The following POU2F1 variants were observed in gnomAD, a reference collection of about 807,000 sequenced individuals.
The protein encoded by POU2F1 is POU domain, class 2, transcription factor 1.
Under a neutral mutation model 84.9 loss-of-function variants are expected in POU2F1, and 16 were observed. The observed-to-expected ratio is 0.19, with a 90% confidence interval of 0.13 to 0.29. The LOEUF is 0.29. Ranked by LOEUF, POU2F1 falls within the 10% of genes least tolerant of loss-of-function variation. POU2F1 has a pLI of 1.00. For synonymous variants in POU2F1, 368 were observed against 368.3 expected, an observed-to-expected ratio of 1.00 and a Z score of 0.01; for missense variants, 738 against 942.6, an observed-to-expected ratio of 0.78 and a Z score of 2.84.
At chr1:167,353,480 G>T (rs1658721279) in intron 2 of POU2F1, among the ~76,000 whole-genome samples, 1 of 151,516 alleles carries the variant, frequency 6.6e-6, no homozygotes, top group Admixed American at 6.6e-5. Flanking sequence ...TACCTTTTCA[G>T]CATATCCCTT....
chr1:167,221,508 C>T (rs1301308807), intron 1 of POU2F1, among the ~76,000 whole-genome samples: 4 of 148,936 alleles, frequency 2.7e-5, no homozygotes, highest in South Asian at 2.1e-4. Context: ...CCGGAGCGGA[C>T]CCCGGCGGCC....
rs1038540188 is a variant in POU2F1 at position 167,423,501 on chromosome 1, G to A, written c.*7691G>A. ...GAAGATTAGAGCACTTGAAACAGAA[G>A]TTCTGGGAAAACAAGGTGTGTGTAA... is the stretch of plus-strand genomic sequence containing the variant. On this transcript the variant is annotated 3_prime_UTR_variant, in exon 16 of 16. Transcript: ENST00000367866. The A allele has an allele frequency of 6.6e-6, 1 of 152,234 alleles. No homozygotes were observed. The highest frequency in any genetic ancestry group is 2.4e-5 in the African/African-American group (1 of 41,450). 9.4% of individuals were successfully genotyped at this position (152,234 alleles called of 1,614,324 possible).
chr1:167,332,599 T>A, intron 2 of POU2F1, 64 bp downstream of exon 2: 1 of 1,346,718 alleles, frequency 7.4e-7, no homozygotes, highest in South Asian at 1.2e-5. Context: ...AAAGTTTCCA[T>A]GTAACTAGGA....
At chr1:167,411,405 G>GT (rs535290005) in intron 13 of POU2F1, among the ~76,000 whole-genome samples, 12,758 of 144,590 alleles carry the variant, frequency 0.088, 1,676 homozygotes, top group African/African-American at 0.29. Flanking sequence ...ATTGTATGTT[G>GT]TTTTTTTTTT....
chr1:167,392,224 G>A (rs994351211), intron 9 of POU2F1, among the ~76,000 whole-genome samples: 8 of 151,834 alleles, frequency 5.3e-5, no homozygotes, highest in African/African-American at 1.5e-4. Context: ...GCTGGCGGGC[G>A]CCTGTAATCC....
chr1:167,265,491 C>G (rs1431869688), intron 1 of POU2F1, among the ~76,000 whole-genome samples: 1 of 152,048 alleles, frequency 6.6e-6, no homozygotes, highest in African/African-American at 2.4e-5. Flanking sequence ...TAGATGGCTG[C>G]CAAATTCACT....
intron 4 of POU2F1, among the ~76,000 whole-genome samples, chr1:167,370,642 T>G (rs1198341485): frequency 6.6e-6 from 1 of 152,180 alleles, no homozygotes; most frequent in African/African-American, 2.4e-5. Flanking sequence ...AGGTTTGCAT[T>G]CTCATTCTGC....
Position 167,314,885 on chromosome 1 carries a change from TG to T in POU2F1, c.62-17583del, listed in dbSNP as rs538421358. 6.5e-4 allele frequency among the ~76,000 whole-genome samples: 99 copies of T among 152,242 alleles called. 2 individuals carry two copies. The South Asian group carries it at 0.013, about 20-fold the overall frequency. ...CCCCAGTGTCGGAGGTGGGGCCTGG[TG>T]GAAAGTGTTTAGATTATGAGGGTGG... On this transcript the variant is annotated intron_variant, in intron 1 of 15. Transcript: ENST00000367866.
In POU2F1 at chr1:167,399,357, A is replaced by G. The variant is rs1275819562; in HGVS notation, c.1441A>G (p.Thr481Ala). 1.2e-6 allele frequency: 2 copies of G among 1,611,488 alleles called. No homozygotes were observed. Among genetic ancestry groups the G allele is most frequent in the Non-Finnish European group, 1.7e-6 (2 of 1,178,800 alleles). ...TATTAAAGCAATTTTCCCCAGCCCA[A>G]CTTCACTGGTAAGAATAAAAAATAG... Reference protein sequence around the residue: ...SPIKAIFPSPTSLVATTPSLV... With the variant: ...SPIKAIFPSPASLVATTPSLV... Residue 481 changes from threonine (T) to alanine (A), a missense_variant, in exon 12 of 16, where the codon ACT becomes GCT. Physicochemically the swap from Thr to Ala is moderately conservative, Grantham distance 58 (BLOSUM62 0). Transcript: ENST00000367866.
At chr1:167,413,979 C>T (rs1650140531) in intron 15 of POU2F1, among the ~76,000 whole-genome samples, 1 of 149,298 alleles carries the variant, frequency 6.7e-6, no homozygotes, top group South Asian at 2.1e-4. Context: ...ACAGTAAGAC[C>T]CTGTTTCTAA....
intron 2 of POU2F1, among the ~76,000 whole-genome samples, chr1:167,335,509 A>G (rs1657387902): frequency 6.6e-6 from 1 of 152,206 alleles, no homozygotes; most frequent in African/African-American, 2.4e-5. Flanking sequence ...CATGAAAAAG[A>G]CTACCCCATG....
intron 1 of POU2F1, among the ~76,000 whole-genome samples, chr1:167,300,210 A>G (rs1209838619): frequency 6.6e-6 from 1 of 152,184 alleles, no homozygotes; most frequent in African/African-American, 2.4e-5. Flanking sequence ...GGAGCTAAAC[A>G]TGGGGTAGGT....
intron 1 of POU2F1, among the ~76,000 whole-genome samples, chr1:167,324,378 T>C (rs1656541630): frequency 6.7e-6 from 1 of 148,838 alleles, no homozygotes; most frequent in South Asian, 2.1e-4. Flanking sequence ...TATACATATA[T>C]GTACAATGTA....
chr1:167,381,819 A>C (rs1194039946), intron 7 of POU2F1, among the ~76,000 whole-genome samples: 1 of 151,414 alleles, frequency 6.6e-6, no homozygotes, highest in Non-Finnish European at 1.5e-5. Flanking sequence ...CATGTTGGCC[A>C]GGCTGGTCTT....
At position 167,389,535 on chromosome 1, in the gene POU2F1, C is replaced by T. The variant is rs536584363; in HGVS notation, c.814-53C>T. The stretch of plus-strand genomic sequence containing the variant: ...CCTTCAGTTGTTTACTTGGAGTAAA[C>T]CTAAATATCTCTTCACGTGTTTTTC... On this transcript the variant is annotated intron_variant, in intron 8 of 15. Transcript: ENST00000367866. The T allele has an allele frequency of 8.7e-6, 14 of 1,600,358 alleles. No homozygotes were observed. In the African/African-American group the frequency reaches 1.9e-4, roughly 21 times the overall value.
intron 13 of POU2F1, among the ~76,000 whole-genome samples, chr1:167,403,269 T>G (rs1649334200): frequency 1.3e-5 from 2 of 152,348 alleles, no homozygotes; most frequent in Admixed American, 1.3e-4. Flanking sequence ...TATGTACATG[T>G]ATGTACAGTT....
At position 167,258,638 on chromosome 1, in the gene POU2F1, G is replaced by T. The variant is rs567775566; in HGVS notation, c.61+37680G>T. ...AGGTTGGCAAATCTTTTCTTTGAAG[G>T]GTCAGATAGTAAATATTTCAGGCTT... On this transcript the variant is annotated intron_variant, in intron 1 of 15. Coordinates refer to ENST00000367866, the MANE Select transcript of POU2F1 (RefSeq NM_002697.4). Among the ~76,000 whole-genome samples the T allele has an allele frequency of 1.5e-4, 23 of 152,170 alleles. No individual in the cohort carries two copies. In the South Asian group the frequency reaches 2.5e-3, roughly 16 times the overall value.
At chr1:167,325,438 A>G (rs935104941) in intron 1 of POU2F1, among the ~76,000 whole-genome samples, 7 of 152,202 alleles carry the variant, frequency 4.6e-5, no homozygotes, top group African/African-American at 1.7e-4. Context: ...CTGGATGTTA[A>G]TGATTTAGTA....
At position 167,417,711 on chromosome 1, in the gene POU2F1, A is replaced by AT. The variant is rs1295651431; in HGVS notation, c.*1906dup. 6.6e-6 allele frequency: 1 copy of AT among 152,018 alleles called. No homozygotes were observed. The highest frequency in any genetic ancestry group is 1.9e-4 in the East Asian group (1 of 5,184). The allele number at this position is 152,018 out of a possible 1,614,324, so 9.4% of individuals were successfully genotyped here. ...GGGATGTAGAGAGAACTTACAGGTGATTTTTATTCTGATTGCTTTTGTTTG... is the reference window on the plus strand; with the variant it reads ...GGGATGTAGAGAGAACTTACAGGTGATTTTTTATTCTGATTGCTTTTGTTTG... On this transcript the variant is annotated 3_prime_UTR_variant, in exon 16 of 16. Coordinates refer to ENST00000367866, the MANE Select transcript of POU2F1 (RefSeq NM_002697.4).
Sources: allele counts gnomAD v4.1 joint callset (sites outside exome capture counted in the v4.1 genomes callset), GRCh38; gene constraint gnomAD v4.1.1; transcripts MANE v1.5; gene names NCBI Gene and HGNC (gene_info 2026-07-23, HGNC 2026-07-21).